CTNNA3: variants seen among roughly 807,000 people sequenced by gnomAD.
CTNNA3 encodes the protein catenin alpha 3.
Under a neutral mutation model 95.7 loss-of-function variants are expected in CTNNA3, and 76 were observed. That is an observed-to-expected ratio of 0.79 (90% CI 0.66 to 0.96). The LOEUF is 0.96. Ranked by LOEUF, CTNNA3 falls within the 40% of genes least tolerant of loss-of-function variation. The probability of loss-of-function intolerance (pLI) is 0.00; values close to 1 mark genes in which losing one functional copy is unlikely to be tolerated. For synonymous variants in CTNNA3, 431 were observed against 374.4 expected, an observed-to-expected ratio of 1.15 and a Z score of -1.74; for missense variants, 1,191 against 1,089.8, an observed-to-expected ratio of 1.09 and a Z score of -1.31.
chr10:67,610,372 T>C (rs766368255), intron 2 of CTNNA3, among the ~76,000 whole-genome samples: 2 of 152,236 alleles, frequency 1.3e-5, no homozygotes, highest in Non-Finnish European at 2.9e-5. Context: ...CTTTTATAAG[T>C]TGTTTGTACC....
chr10:66,985,823 G>T (rs1435893388), intron 7 of CTNNA3, among the ~76,000 whole-genome samples: 1 of 152,078 alleles, frequency 6.6e-6, no homozygotes, highest in Non-Finnish European at 1.5e-5. Flanking sequence ...CACCTCCTGG[G>T]TTCAAGCGAT....
chr10:67,329,065 A>T (rs967284480), intron 5 of CTNNA3, among the ~76,000 whole-genome samples: 1 of 152,192 alleles, frequency 6.6e-6, no homozygotes, highest in African/African-American at 2.4e-5. Context: ...CCACTGATCT[A>T]ATGTTTAATA....
intron 5 of CTNNA3, among the ~76,000 whole-genome samples, chr10:67,440,632 C>CAG (rs1846470943): frequency 1.3e-5 from 2 of 152,020 alleles, no homozygotes; most frequent in Admixed American, 6.6e-5. Flanking sequence ...CAGCTCAGCA[C>CAG]AGAGAGAGAA....
intron 7 of CTNNA3, among the ~76,000 whole-genome samples, chr10:66,938,156 G>C (rs1248520129): frequency 6.6e-6 from 1 of 152,080 alleles, no homozygotes; most frequent in Non-Finnish European, 1.5e-5. Context: ...TCTTTGTGTA[G>C]TCATAAAAAC....
intron 10 of CTNNA3, among the ~76,000 whole-genome samples, chr10:66,563,999 A>T (rs1842630748): frequency 6.6e-6 from 1 of 152,028 alleles, no homozygotes; most frequent in Non-Finnish European, 1.5e-5. Context: ...GTATAAAACC[A>T]AGCTGTACCT....
chr10:66,982,272 T>C (rs16923867), intron 7 of CTNNA3, among the ~76,000 whole-genome samples: 10,722 of 152,180 alleles, frequency 0.07, 430 homozygotes, highest in African/African-American at 0.1. Context: ...CAGAGGCCAA[T>C]TGGAATAATC....
At chr10:66,843,750 C>T (rs1290539881) in intron 7 of CTNNA3, among the ~76,000 whole-genome samples, 1 of 152,184 alleles carries the variant, frequency 6.6e-6, no homozygotes, top group East Asian at 1.9e-4. Flanking sequence ...ATTTCTCATT[C>T]TTTTCAACCA....
At chr10:66,736,216 C>T (rs1367955767) in intron 9 of CTNNA3, among the ~76,000 whole-genome samples, 1 of 151,820 alleles carries the variant, frequency 6.6e-6, no homozygotes. Flanking sequence ...GACTGAGTCT[C>T]GCCCTGTCGC....
intron 5 of CTNNA3, among the ~76,000 whole-genome samples, chr10:67,403,854 G>A (rs1477086976): frequency 6.6e-6 from 1 of 152,210 alleles, no homozygotes; most frequent in Non-Finnish European, 1.5e-5. Flanking sequence ...GCTCTGAGAG[G>A]AAGGGGCAGG....
At position 66,492,247 on chromosome 10, in the gene CTNNA3, G is replaced by A. The variant is rs573597835; in HGVS notation, c.1531+28370C>T. Among the ~76,000 whole-genome samples, 11 of 151,950 alleles carry A rather than the reference G, an allele frequency of 7.2e-5. No homozygotes were observed. The South Asian group carries it at 1.5e-3, about 20-fold the overall frequency. On this transcript the variant is annotated intron_variant, in intron 11 of 17. Coordinates refer to ENST00000433211, the MANE Select transcript of CTNNA3 (RefSeq NM_013266.4). ...AGAGAAGAAAATACACTTATTATAG[G>A]AGGCCCAATTTCTAGTGAATTCATC...
chr10:66,550,223 A>G (rs979776484), intron 10 of CTNNA3, among the ~76,000 whole-genome samples: 5 of 152,170 alleles, frequency 3.3e-5, no homozygotes, highest in Admixed American at 6.5e-5. Context: ...CTTGAAGTCT[A>G]CTTTAACTGA....
intron 4 of CTNNA3, among the ~76,000 whole-genome samples, chr10:67,523,546 C>CA (rs1840047642): frequency 1.3e-5 from 2 of 151,798 alleles, no homozygotes; most frequent in African/African-American, 4.8e-5. Flanking sequence ...AAAGAGAGTG[C>CA]AAAAAAAGAG....
intron 1 of CTNNA3, among the ~76,000 whole-genome samples, chr10:67,717,389 G>A (rs948764613): frequency 6.6e-6 from 1 of 152,110 alleles, no homozygotes; most frequent in African/African-American, 2.4e-5. Context: ...CGAAGACTTT[G>A]CTCATGCCTA....
upstream of CTNNA3, among the ~76,000 whole-genome samples, chr10:67,698,456 G>A (rs1262746537): frequency 6.6e-6 from 1 of 152,134 alleles, no homozygotes; most frequent in African/African-American, 2.4e-5. Context: ...CCAAAAAGAA[G>A]ATAATTCTAT....
chr10:66,498,382 G>A (rs1003520524), intron 11 of CTNNA3, among the ~76,000 whole-genome samples: 2 of 152,022 alleles, frequency 1.3e-5, no homozygotes, highest in African/African-American at 4.8e-5. Flanking sequence ...ATTCAATGGT[G>A]CTCAGCCAGG....
intron 5 of CTNNA3, among the ~76,000 whole-genome samples, chr10:67,369,866 A>C (rs1431256868): frequency 6.6e-6 from 1 of 152,182 alleles, no homozygotes; most frequent in East Asian, 1.9e-4. Flanking sequence ...AATGTAAATT[A>C]GTACCACCAT....
chr10:66,891,607 T>C (rs1845272155), intron 7 of CTNNA3, among the ~76,000 whole-genome samples: 1 of 152,178 alleles, frequency 6.6e-6, no homozygotes, highest in African/African-American at 2.4e-5. Context: ...TTTTCCATGA[T>C]TTCATTTTAT....
chr10:66,209,765 G>C (rs1418041425), intron 13 of CTNNA3, among the ~76,000 whole-genome samples: 1 of 152,134 alleles, frequency 6.6e-6, no homozygotes, highest in East Asian at 1.9e-4. Context: ...TGGGACATAG[G>C]ACAGTAAACC....
intron 7 of CTNNA3, among the ~76,000 whole-genome samples, chr10:67,167,061 C>T (rs539566311): frequency 1.8e-4 from 28 of 151,492 alleles, no homozygotes; most frequent in African/African-American, 6.8e-4. Flanking sequence ...GAGCCAAGAT[C>T]GTGCCATGGC....
Sources: allele counts gnomAD v4.1 joint callset (sites outside exome capture counted in the v4.1 genomes callset), GRCh38; gene constraint gnomAD v4.1.1; transcripts MANE v1.5; gene names NCBI Gene and HGNC (gene_info 2026-07-23, HGNC 2026-07-21).